KIAA2012: variants seen among roughly 807,000 people sequenced by gnomAD.
The protein encoded by KIAA2012 is KIAA2012.
KIAA2012 carries 125 observed loss-of-function variants against 150.6 expected under a neutral mutation model. That is an observed-to-expected ratio of 0.83 (90% CI 0.72 to 0.96). KIAA2012 has a LOEUF of 0.96. KIAA2012 is among the 40% of genes least tolerant of loss of function. The pLI is 0.00. For missense variants in KIAA2012, 1,219 were observed against 1,354.9 expected, an observed-to-expected ratio of 0.90 and a Z score of 1.57; for synonymous variants, 462 against 504.7, an observed-to-expected ratio of 0.92 and a Z score of 1.13.
At chr2:202,192,604 C>T (rs574856691) in intron 19 of KIAA2012, among the ~76,000 whole-genome samples, 57 of 152,074 alleles carry the variant, frequency 3.7e-4, no homozygotes, top group African/African-American at 9.6e-4. Context: ...ATTACAGCCA[C>T]GTGCCACCAT....
chr2:202,081,299 C>A (rs560336095), intron 2 of KIAA2012, among the ~76,000 whole-genome samples: 1 of 152,290 alleles, frequency 6.6e-6, no homozygotes, highest in African/African-American at 2.4e-5. Context: ...GTGAACAATG[C>A]CCTATAAACA....
chr2:202,099,895 C>T, intron 6 of KIAA2012, 99 bp downstream of exon 6: 1 of 1,056,734 alleles, frequency 9.5e-7, no homozygotes, highest in African/African-American at 1.6e-5. Flanking sequence ...TTCCTTGCGC[C>T]ACTCACCTTA....
chr2:202,196,328 G>T lies in KIAA2012; in HGVS notation c.3188-472G>T, dbSNP rs544981927. 1.9e-4 allele frequency among the ~76,000 whole-genome samples: 29 copies of T among 151,394 alleles called. No homozygotes were observed. In the East Asian group the frequency reaches 4.1e-3, roughly 21 times the overall value. ...TCCTGCCTCAGCCTCCCGAGTAGCT[G>T]GGACTACAGGCGCCTGCCACCACGC... On this transcript the variant is annotated intron_variant, in intron 21 of 23. Coordinates refer to ENST00000498697, the MANE Select transcript of KIAA2012 (RefSeq NM_001277372.4).
chr2:202,097,659 G>A, intron 5 of KIAA2012, 82 bp downstream of exon 5: 1 of 1,466,940 alleles, frequency 6.8e-7, no homozygotes, highest in East Asian at 2.5e-5. Context: ...GCAGAATTTT[G>A]GCTCACTGCA....
At chr2:202,125,193 A>G (rs1690752472) in intron 11 of KIAA2012, 21 bp from the exon 12 acceptor site, 2 of 1,544,648 alleles carry the variant, frequency 1.3e-6, no homozygotes, top group Non-Finnish European at 1.8e-6. Flanking sequence ...CTCTCAGGTA[A>G]AATATCTTAC....
chr2:202,158,180 G>C (rs958571782), intron 14 of KIAA2012, among the ~76,000 whole-genome samples: 2 of 152,104 alleles, frequency 1.3e-5, no homozygotes, highest in Non-Finnish European at 2.9e-5. Context: ...ATTTTTAGTA[G>C]AGACGGGGTT....
intron 8 of KIAA2012, among the ~76,000 whole-genome samples, chr2:202,105,100 G>A (rs908911342): frequency 6.6e-6 from 1 of 150,446 alleles, no homozygotes; most frequent in South Asian, 2.1e-4. Context: ...AACTCAAAAT[G>A]TGTTAAGCAA....
intron 11 of KIAA2012, among the ~76,000 whole-genome samples, chr2:202,123,340 A>C (rs558084857): frequency 6.6e-6 from 1 of 152,318 alleles, no homozygotes; most frequent in South Asian, 2.1e-4. Flanking sequence ...TATGCAATTT[A>C]TCTCTCTCCG....
At chr2:202,097,373 G>A in intron 4 of KIAA2012, 62 bp from the exon 5 acceptor site, 4 of 1,539,028 alleles carry the variant, frequency 2.6e-6, no homozygotes, top group Non-Finnish European at 3.5e-6. Context: ...GCAGTTTGGA[G>A]GCAGCAAGAA....
chr2:202,122,235 G>A (rs1000455408), intron 11 of KIAA2012, among the ~76,000 whole-genome samples: 2 of 152,232 alleles, frequency 1.3e-5, no homozygotes, highest in South Asian at 2.1e-4. Flanking sequence ...AACCCAACAC[G>A]TGAGCTAGCA....
intron 11 of KIAA2012, among the ~76,000 whole-genome samples, chr2:202,122,679 T>C (rs1211597937): frequency 6.6e-6 from 1 of 152,076 alleles, no homozygotes; most frequent in Non-Finnish European, 1.5e-5. Flanking sequence ...ATTTGTTGTA[T>C]TTTTAGTAGA....
chr2:202,196,823 G>A lies in KIAA2012; in HGVS notation c.3211G>A (p.Glu1071Lys), dbSNP rs1470145214. The change falls in exon 22 of 24, where the codon GAA becomes AAA. Residue 1071 changes from glutamate (E) to lysine (K), a missense_variant. Coordinates refer to ENST00000498697, the MANE Select transcript of KIAA2012 (RefSeq NM_001277372.4). The part of the protein sequence containing the change: ...RAEAEKQRQE[E>K]LEMQLEEEQK... ...AGAGGCAGAGAAGCAAAGGCAAGAG[G>A]AATTGGAAATGCAGTTAGAAGAAGA... 1.9e-6 allele frequency: 3 copies of A among 1,550,318 alleles called. No homozygotes were observed. The highest frequency in any genetic ancestry group is 2.6e-6 in the Non-Finnish European group (3 of 1,146,938).
At chr2:202,159,276 A>C (rs1691602244) in intron 14 of KIAA2012, among the ~76,000 whole-genome samples, 1 of 152,104 alleles carries the variant, frequency 6.6e-6, no homozygotes, top group Non-Finnish European at 1.5e-5. Context: ...ACCACTTGGC[A>C]GGAAAGTTGT....
At chr2:202,163,324 G>A (rs1476154518) in intron 14 of KIAA2012, among the ~76,000 whole-genome samples, 2 of 151,668 alleles carry the variant, frequency 1.3e-5, no homozygotes, top group Non-Finnish European at 2.9e-5. Flanking sequence ...GGCTGGTCTC[G>A]AGCTCCTGAC....
chr2:202,130,818 C>G (rs1000603821), intron 12 of KIAA2012, among the ~76,000 whole-genome samples: 1 of 152,062 alleles, frequency 6.6e-6, no homozygotes, highest in African/African-American at 2.4e-5. Context: ...TCTGGGGGCT[C>G]AGGCAGGAGA....
In KIAA2012 at chr2:202,200,707, C is replaced by CTTTT. The variant is rs3068268; in HGVS notation, c.3408-1710_3408-1707dup. ...AAGACCAATCAGAATAATTTTGGAA[C>CTTTT]TTTTTTTTTTTTTTTGGTGACGGAG... On this transcript the variant is annotated intron_variant, in intron 22 of 23. Coordinates refer to ENST00000498697, the MANE Select transcript of KIAA2012 (RefSeq NM_001277372.4). Among the ~76,000 whole-genome samples the CTTTT allele has an allele frequency of 2.0e-3, 252 of 124,266 alleles. 28 individuals are homozygous for CTTTT. Among genetic ancestry groups the CTTTT allele is most frequent in the Middle Eastern group, 4.4e-3 (1 of 226 alleles). The allele number at this position is 124,266 out of a possible 152,430, so 81.5% of individuals were successfully genotyped here.
chr2:202,184,808 C>A lies in KIAA2012; in HGVS notation c.2175C>A (p.His725Gln). The stretch of plus-strand genomic sequence containing the variant: ...CTCCCAGGGCTTCCCGGACTGAGCA[C>A]ATCCAGACCCCAGAAGCAGATATTG... ...LDSPRASRTE[H>Q]IQTPEADIVQ... is the part of the protein sequence containing the mutation. Residue 725 changes from histidine to glutamine, a missense_variant, in exon 16 of 24, where the codon CAC becomes CAA. Physicochemically the swap from His to Gln is conservative, Grantham distance 24 (BLOSUM62 0). Coordinates refer to ENST00000498697, the MANE Select transcript of KIAA2012 (RefSeq NM_001277372.4). The A allele has an allele frequency of 6.5e-7, 1 of 1,549,520 alleles. No homozygotes were observed. The highest frequency in any genetic ancestry group is 8.7e-7 in the Non-Finnish European group (1 of 1,146,524).
chr2:202,183,786 G>A (rs1204437042), intron 15 of KIAA2012, among the ~76,000 whole-genome samples: 3 of 152,140 alleles, frequency 2.0e-5, no homozygotes, highest in African/African-American at 7.2e-5. Flanking sequence ...GATTACAGGC[G>A]TGAGCCTAAC....
chr2:202,154,741 G>C lies in KIAA2012; in HGVS notation c.1977G>C (p.Ala659=). The part of the protein sequence containing the change: ...TGEPQSCINK[A]LICSNRKEFY... ...AGCCTCAAAGTTGTATAAATAAAGC[G>C]CTGATATGTTCAAACAGAAAAGAAT... The change falls in exon 14 of 24, where the codon GCG becomes GCC. Residue 659 remains alanine, a synonymous_variant. Coordinates refer to ENST00000498697, the MANE Select transcript of KIAA2012 (RefSeq NM_001277372.4). 2 of 1,550,332 alleles carry C rather than the reference G, an allele frequency of 1.3e-6. No individual in the cohort carries two copies. The highest frequency in any genetic ancestry group is 1.7e-6 in the Non-Finnish European group (2 of 1,146,910).
Sources: gnomAD v4.1 joint callset for allele counts (sites outside exome capture counted in the v4.1 genomes callset) on GRCh38, gnomAD v4.1.1 for gene constraint, MANE v1.5 for transcripts, NCBI Gene and HGNC (gene_info 2026-07-23, HGNC 2026-07-21) for gene names.